The following HIRA variants were observed in gnomAD, a reference collection of about 807,000 sequenced individuals.
The protein encoded by HIRA is protein HIRA.
HIRA carries 13 observed loss-of-function variants against 126.6 expected under a neutral mutation model. The observed-to-expected ratio is 0.10, with a 90% CI of 0.07 to 0.16. The LOEUF (loss-of-function observed/expected upper bound fraction) is 0.16, where lower values mean the gene tolerates loss of function less well. Ranked by LOEUF, HIRA falls within the 10% of genes least tolerant of loss-of-function variation. HIRA has a pLI of 1.00. For synonymous variants in HIRA, 511 were observed against 520.0 expected, an observed-to-expected ratio of 0.98 and a Z score of 0.24; for missense variants, 834 against 1,314.4, an observed-to-expected ratio of 0.63 and a Z score of 5.65.
At chr22:19,428,692 G>A (rs1259324261) in intron 1 of HIRA, among the ~76,000 whole-genome samples, 6 of 152,080 alleles carry the variant, frequency 3.9e-5, no homozygotes, top group African/African-American at 1.4e-4. Context: ...CACGCCTGTA[G>A]TCCCAGCTAC....
Position 19,349,263 on chromosome 22 carries a change from C to A in HIRA, c.2937+2095G>T, listed in dbSNP as rs534108849. On this transcript the variant is annotated intron_variant, in intron 24 of 24. Transcript: ENST00000263208. ...GGGATTACAGGAGTGTGCCACCACA[C>A]CCAGCTAATTTTTATTTTTAGTAGA... 2.0e-5 allele frequency among the ~76,000 whole-genome samples: 3 copies of A among 152,044 alleles called. No individual in the cohort carries two copies. The South Asian group carries it at 6.2e-4, about 32-fold the overall frequency.
At chr22:19,378,772 C>G (rs2089042595) in intron 13 of HIRA, among the ~76,000 whole-genome samples, 1 of 152,218 alleles carries the variant, frequency 6.6e-6, no homozygotes, top group Non-Finnish European at 1.5e-5. Context: ...ATTGTCATTA[C>G]ACCTAAGATT....
chr22:19,426,580 C>T (rs546916223), intron 1 of HIRA, among the ~76,000 whole-genome samples: 1 of 152,316 alleles, frequency 6.6e-6, no homozygotes, highest in Non-Finnish European at 1.5e-5. Flanking sequence ...TTTCCCCTGC[C>T]CTGCATTCTA....
chr22:19,368,583 G>A (rs1004296788), intron 15 of HIRA, among the ~76,000 whole-genome samples: 1 of 152,028 alleles, frequency 6.6e-6, no homozygotes, highest in African/African-American at 2.4e-5. Flanking sequence ...TTCTGAATAT[G>A]GAAATGGAAT....
chr22:19,397,899 T>C (rs758010093), intron 6 of HIRA, 93 bp downstream of exon 6: 19 of 787,150 alleles, frequency 2.4e-5, no homozygotes, highest in Non-Finnish European at 4.1e-5. Flanking sequence ...GACACATCTG[T>C]TGCCACCAAG....
intron 24 of HIRA, among the ~76,000 whole-genome samples, chr22:19,348,185 T>C (rs2146182320): frequency 6.6e-6 from 1 of 152,352 alleles, no homozygotes; most frequent in African/African-American, 2.4e-5. Flanking sequence ...CCCAAGAAGT[T>C]GGCAGAAGCA....
intron 24 of HIRA, 22 bp from the exon 25 acceptor site, chr22:19,331,578 T>A: frequency 6.4e-7 from 1 of 1,564,042 alleles, no homozygotes; most frequent in Non-Finnish European, 8.7e-7. Flanking sequence ...GAGTGACAGC[T>A]GAGTGCAAGT....
intron 22 of HIRA, 96 bp from the exon 23 acceptor site, chr22:19,353,615 G>A (rs949312832): frequency 9.3e-6 from 12 of 1,295,954 alleles, no homozygotes; most frequent in Non-Finnish European, 1.2e-5. Flanking sequence ...CTGGCAGGAG[G>A]CAGGCACCAG....
At chr22:19,379,302 G>A (rs1243623061) in intron 13 of HIRA, among the ~76,000 whole-genome samples, 7 of 151,140 alleles carry the variant, frequency 4.6e-5, no homozygotes, top group African/African-American at 7.3e-5. Flanking sequence ...GTGAGCCACC[G>A]TGCCCGGCCG....
intron 15 of HIRA, among the ~76,000 whole-genome samples, chr22:19,368,698 A>C (rs2088937022): frequency 6.6e-6 from 1 of 152,210 alleles, no homozygotes; most frequent in South Asian, 2.1e-4. Flanking sequence ...AACATGGAAA[A>C]AAAGTCAGAC....
At chr22:19,394,630 G>T in intron 7 of HIRA, 121 bp from the exon 8 acceptor site, 1 of 979,180 alleles carries the variant, frequency 1.0e-6, no homozygotes, top group Non-Finnish European at 1.5e-6. Flanking sequence ...TGCACCCCAA[G>T]CTTCTGGCTA....
intron 15 of HIRA, among the ~76,000 whole-genome samples, chr22:19,374,696 G>T (rs1280124230): frequency 6.6e-6 from 1 of 152,186 alleles, no homozygotes; most frequent in Non-Finnish European, 1.5e-5. Flanking sequence ...TCTACTGCAA[G>T]GACAGGTCAC....
In HIRA at chr22:19,396,654, TC is replaced by T. The variant is rs2089226850; in HGVS notation, c.654+132del. ...TCCCACCCCAGAGAGCCTTGGTGAA[TC>T]CGCTCAGGCCCCCGGACTCTGTGCA... On this transcript the variant is annotated intron_variant, in intron 7 of 24. Coordinates refer to ENST00000263208, the MANE Select transcript of HIRA (RefSeq NM_003325.4). 3.7e-6 allele frequency: 3 copies of T among 814,200 alleles called. No individual in the cohort carries two copies. The African/African-American group carries it at 5.1e-5, about 14-fold the overall frequency. The allele number at this position is 814,200 out of a possible 1,614,324, so 50.4% of individuals were successfully genotyped here. A position where few individuals can be genotyped will look rare whatever the true frequency, so the allele number is the denominator to read the frequency against.
intron 24 of HIRA, among the ~76,000 whole-genome samples, chr22:19,340,084 A>G (rs1556007159): frequency 2.6e-5 from 4 of 152,142 alleles, no homozygotes; most frequent in Non-Finnish European, 5.9e-5. Context: ...AAATCTACAG[A>G]CCAATATCCC....
chr22:19,412,829 C>T (rs2089364986), intron 1 of HIRA, among the ~76,000 whole-genome samples: 1 of 152,164 alleles, frequency 6.6e-6, no homozygotes, highest in Admixed American at 6.5e-5. Flanking sequence ...TCTCTGTTTG[C>T]AGATTTCTAC....
chr22:19,392,009 GC>G (rs1556021293), intron 9 of HIRA, 91 bp downstream of exon 9: 1 of 669,002 alleles, frequency 1.5e-6, no homozygotes, highest in Non-Finnish European at 2.6e-6. Flanking sequence ...TACACTCTTA[GC>G]ATCACCCAAA....
intron 2 of HIRA, among the ~76,000 whole-genome samples, chr22:19,410,380 G>C (rs750182077): frequency 2.0e-4 from 31 of 152,298 alleles, no homozygotes; most frequent in Middle Eastern, 3.4e-3. Flanking sequence ...AATGCTGACA[G>C]AGCCCTTGTC....
intron 13 of HIRA, among the ~76,000 whole-genome samples, chr22:19,382,193 G>A (rs2089079840): frequency 6.6e-6 from 1 of 152,146 alleles, no homozygotes; most frequent in Non-Finnish European, 1.5e-5. Flanking sequence ...ATACCAAAAG[G>A]ATCAGGTCCT....
At chr22:19,417,307 C>T (rs560898843) in intron 1 of HIRA, among the ~76,000 whole-genome samples, 24 of 152,172 alleles carry the variant, frequency 1.6e-4, no homozygotes, top group Admixed American at 8.5e-4. Flanking sequence ...ACCACAATTA[C>T]GTATTACCTC....
Sources: gnomAD v4.1 joint callset for allele counts (sites outside exome capture counted in the v4.1 genomes callset) on GRCh38, gnomAD v4.1.1 for gene constraint, MANE v1.5 for transcripts, NCBI Gene and HGNC (gene_info 2026-07-23, HGNC 2026-07-21) for gene names.